The following CTBP2 variants were observed in gnomAD, a reference collection of about 807,000 sequenced individuals.
CTBP2 encodes C-terminal-binding protein 2.
In CTBP2, 30 loss-of-function variants were observed where a neutral mutation model predicts 80.3. That is an observed-to-expected ratio of 0.37 (90% CI 0.28 to 0.51). The LOEUF is 0.51. Ranked by LOEUF, CTBP2 falls within the 20% of genes least tolerant of loss-of-function variation. The pLI, the probability that CTBP2 is intolerant of heterozygous loss-of-function variation, is 0.93. For synonymous variants in CTBP2, 594 were observed against 587.4 expected, an observed-to-expected ratio of 1.01 and a Z score of -0.16; for missense variants, 1,212 against 1,375.3, an observed-to-expected ratio of 0.88 and a Z score of 1.88.
At chr10:125,084,901 C>G (rs908628167) in intron 2 of CTBP2, among the ~76,000 whole-genome samples, 1 of 152,222 alleles carries the variant, frequency 6.6e-6, no homozygotes, top group Non-Finnish European at 1.5e-5. Flanking sequence ...TGACACACAG[C>G]CATGAGTTCC....
Position 124,984,597 on chromosome 10 carries a change from A to C in CTBP2, c.*4921T>G, listed in dbSNP as rs1951991611. ...TCCCATTTATGTCTTTTTAAATTTA[A>C]CCAGAGCAAACTGGACTTTAATCAC... On this transcript the variant is annotated 3_prime_UTR_variant, in exon 9 of 9. Transcript: ENST00000309035. 1.7e-6 allele frequency: 1 copy of C among 588,812 alleles called. No individual in the cohort carries two copies. The highest frequency in any genetic ancestry group is 2.9e-6 in the Non-Finnish European group (1 of 347,572). The allele number at this position is 588,812 out of a possible 1,614,324, so 36.5% of individuals were successfully genotyped here. A position where few individuals can be genotyped will look rare whatever the true frequency, so the allele number is the denominator to read the frequency against.
rs1052412160 is a variant in CTBP2, at chr10:125,027,807, T to C, written c.-48A>G. The C allele has an allele frequency of 8.2e-6, 12 of 1,463,720 alleles. No homozygotes were observed. Among genetic ancestry groups the C allele is most frequent in the Non-Finnish European group, 9.9e-6 (11 of 1,110,356 alleles). The allele number at this position is 1,463,720 out of a possible 1,614,324, so 90.7% of individuals were successfully genotyped here. ...GAGGCAGAGGAGAAGCTTTTCTTTA[T>C]AAATCTTCAATTACATACATCAAAA... On this transcript the variant is annotated 5_prime_UTR_variant, in exon 1 of 9. Transcript: ENST00000309035.
intron 2 of CTBP2, among the ~76,000 whole-genome samples, chr10:125,074,725 C>T (rs1042460170): frequency 1.3e-5 from 2 of 152,206 alleles, no homozygotes; most frequent in Non-Finnish European, 2.9e-5. Flanking sequence ...TGTTGTTCTC[C>T]AGTAACTTCT....
At chr10:125,030,736 C>T (rs913483187), upstream of CTBP2, among the ~76,000 whole-genome samples, 1 of 152,212 alleles carries the variant, frequency 6.6e-6, no homozygotes, top group African/African-American at 2.4e-5. Context: ...ACTGTGTTGT[C>T]ACCCGCCCAC....
At chr10:125,101,937 C>G (rs998941398) in intron 2 of CTBP2, among the ~76,000 whole-genome samples, 4 of 152,154 alleles carry the variant, frequency 2.6e-5, no homozygotes, top group African/African-American at 4.8e-5. Context: ...TTCAGTGCCT[C>G]GATCGCTGAA....
rs1209651428 is a variant in CTBP2 at position 124,986,670 on chromosome 10, A to G, written c.*2848T>C. ...TGTTAAAAATTGGCTGTTTGCTTTCATTTTGGCCAATAAGTAATCAAGTTT... is the reference window on the plus strand; with the variant it reads ...TGTTAAAAATTGGCTGTTTGCTTTCGTTTTGGCCAATAAGTAATCAAGTTT... On this transcript the variant is annotated 3_prime_UTR_variant, in exon 9 of 9. Transcript: ENST00000309035. 1 of 152,168 alleles carries G rather than the reference A, an allele frequency of 6.6e-6. No homozygotes were observed. Among genetic ancestry groups the G allele is most frequent in the African/African-American group, 2.4e-5 (1 of 41,432 alleles). The allele number at this position is 152,168 out of a possible 1,614,324, so 9.4% of individuals were successfully genotyped here. A position where few individuals can be genotyped will look rare whatever the true frequency, so the allele number is the denominator to read the frequency against.
At chr10:125,097,813 G>A (rs989456355) in intron 2 of CTBP2, among the ~76,000 whole-genome samples, 8 of 152,048 alleles carry the variant, frequency 5.3e-5, no homozygotes, top group Non-Finnish European at 1.0e-4. Context: ...CAAGCAGAAG[G>A]CAAAAAAGGC....
At chr10:125,049,693 A>G (rs775569258) in intron 2 of CTBP2, among the ~76,000 whole-genome samples, 2 of 152,144 alleles carry the variant, frequency 1.3e-5, no homozygotes, top group Admixed American at 1.3e-4. Context: ...GGACGGGCAG[A>G]GATAAGCTAT....
intron 1 of CTBP2, among the ~76,000 whole-genome samples, chr10:125,123,789 C>A (rs1402226111): frequency 1.3e-5 from 2 of 152,218 alleles, no homozygotes; most frequent in African/African-American, 4.8e-5. Context: ...TACGTCAATT[C>A]TTTCCTGGGA....
chr10:125,007,464 A>G (rs1373072889), intron 1 of CTBP2, among the ~76,000 whole-genome samples: 1 of 152,282 alleles, frequency 6.6e-6, no homozygotes, highest in East Asian at 1.9e-4. Context: ...TTTTGTGAAC[A>G]GTAACCAGAC....
At chr10:125,023,192 C>A (rs1358300100) in intron 1 of CTBP2, among the ~76,000 whole-genome samples, 1 of 152,154 alleles carries the variant, frequency 6.6e-6, no homozygotes, top group Non-Finnish European at 1.5e-5. Flanking sequence ...CATGTGCCCC[C>A]ATTAATCCAG....
At position 125,026,349 on chromosome 10, in the gene CTBP2, G is replaced by T. The variant is rs1957550094; in HGVS notation, c.1411C>A (p.Pro471Thr). The change falls in exon 1 of 9, where the codon CCC becomes ACC. Residue 471 changes from proline to threonine, a missense_variant. Coordinates refer to ENST00000309035, the MANE Select transcript of CTBP2 (RefSeq NM_022802.3). Reference sequence around the variant, plus strand: ...GCTGTTCTGGGGCCTGGGTGAAGGGGGTTTGAGGGGCCCGGGTTAGTCAAG... The same window carrying T: ...GCTGTTCTGGGGCCTGGGTGAAGGGTGTTTGAGGGGCCCGGGTTAGTCAAG... 1 of 1,613,748 alleles carries T rather than the reference G, an allele frequency of 6.2e-7. No individual in the cohort carries two copies. Among genetic ancestry groups the T allele is most frequent in the South Asian group, 1.1e-5 (1 of 91,090 alleles).
At chr10:125,004,628 T>A (rs934030253) in intron 1 of CTBP2, among the ~76,000 whole-genome samples, 2 of 152,274 alleles carry the variant, frequency 1.3e-5, no homozygotes, top group South Asian at 4.2e-4. Context: ...AAATTAGAAC[T>A]CTTTAGCCTC....
At position 125,026,072 on chromosome 10, in the gene CTBP2, G is replaced by C. The variant is rs12571821; in HGVS notation, c.1678+10C>G. 0.032 allele frequency: 49,235 copies of C among 1,548,982 alleles called. 987 individuals carry two copies. The highest frequency in any genetic ancestry group is 0.056 in the Middle Eastern group (321 of 5,712). ...GTCCCCAGGCAGGGCAGGCGGGGAG[G>C]ATGTATTACTTGGTTCTGGTGCAAG... On this transcript the variant is annotated intron_variant, in intron 1 of 8. Transcript: ENST00000309035.
chr10:125,005,583 A>C (rs748329758), intron 1 of CTBP2: 6 of 1,612,534 alleles, frequency 3.7e-6, no homozygotes, highest in Middle Eastern at 3.3e-4. Flanking sequence ...GGAAGCGTGC[A>C]GCACAAAGCT....
intron 1 of CTBP2, among the ~76,000 whole-genome samples, chr10:125,157,881 G>A (rs1243679885): frequency 1.3e-5 from 2 of 152,116 alleles, no homozygotes; most frequent in African/African-American, 4.8e-5. Context: ...TCTTTTGGGG[G>A]CAATAAAAAG....
At position 124,987,450 on chromosome 10, in the gene CTBP2, A is replaced by G. The variant is rs935797416; in HGVS notation, c.*2068T>C. On this transcript the variant is annotated 3_prime_UTR_variant, in exon 9 of 9. Coordinates refer to ENST00000309035, the MANE Select transcript of CTBP2 (RefSeq NM_022802.3). ...ACCATGGATTCAGACCTGCCTTTTT[A>G]TGTTTTTGACTCTTAGGTTCATCGT... 11 of 151,998 alleles carry G rather than the reference A, an allele frequency of 7.2e-5. No individual in the cohort carries two copies. The highest frequency in any genetic ancestry group is 2.4e-4 in the African/African-American group (10 of 41,384). The allele number at this position is 151,998 out of a possible 1,614,324, so 9.4% of individuals were successfully genotyped here.
intron 2 of CTBP2, among the ~76,000 whole-genome samples, chr10:125,076,200 C>A (rs747197240): frequency 6.6e-6 from 1 of 152,182 alleles, no homozygotes; most frequent in Non-Finnish European, 1.5e-5. Flanking sequence ...GCAGCATCCA[C>A]CTCTGGGCCA....
chr10:125,116,256 T>C (rs893212654), intron 1 of CTBP2, among the ~76,000 whole-genome samples: 9 of 152,158 alleles, frequency 5.9e-5, no homozygotes, highest in African/African-American at 2.2e-4. Context: ...ACGCCTCACG[T>C]AGAGACGGGT....
Sources: gnomAD v4.1 joint callset for allele counts (sites outside exome capture counted in the v4.1 genomes callset) on GRCh38, gnomAD v4.1.1 for gene constraint, MANE v1.5 for transcripts, NCBI Gene and HGNC (gene_info 2026-07-23, HGNC 2026-07-21) for gene names.